PLEKHH1: variants seen among roughly 807,000 people sequenced by gnomAD.
The protein encoded by PLEKHH1 is pleckstrin homology, MyTH4 and FERM domain containing H1.
PLEKHH1 carries 104 observed loss-of-function variants against 160.0 expected under a neutral mutation model. The observed-to-expected ratio is 0.65, with a 90% CI of 0.55 to 0.76. The LOEUF (loss-of-function observed/expected upper bound fraction) is 0.76, where lower values mean the gene tolerates loss of function less well. Ranked by LOEUF, PLEKHH1 falls within the 30% of genes least tolerant of loss-of-function variation. The probability of loss-of-function intolerance (pLI) is 0.00; values close to 1 mark genes in which losing one functional copy is unlikely to be tolerated. For missense variants in PLEKHH1, 1,427 were observed against 1,724.1 expected, an observed-to-expected ratio of 0.83 and a Z score of 3.05; for synonymous variants, 619 against 678.4, an observed-to-expected ratio of 0.91 and a Z score of 1.36.
intron 11 of PLEKHH1, among the ~76,000 whole-genome samples, chr14:67,572,485 GCTC>G (rs2035437682): frequency 6.6e-6 from 1 of 152,160 alleles, no homozygotes; most frequent in African/African-American, 2.4e-5. Context: ...AGCCCAGAGA[GCTC>G]CTGGAATACC....
At chr14:67,564,784 G>A (rs1030565864) in intron 7 of PLEKHH1, among the ~76,000 whole-genome samples, 1 of 151,250 alleles carries the variant, frequency 6.6e-6, no homozygotes, top group African/African-American at 2.4e-5. Context: ...AACTTCCCGG[G>A]CTCAAGCAAT....
chr14:67,577,488 G>A, intron 18 of PLEKHH1, 74 bp downstream of exon 18: 2 of 949,372 alleles, frequency 2.1e-6, no homozygotes, highest in Non-Finnish European at 1.6e-6. Flanking sequence ...TGTGCAGTTG[G>A]GGACAACCCA....
rs372314133 is a variant in PLEKHH1 at position 67,585,591 on chromosome 14, G to T, written c.3723G>T (p.Glu1241Asp). The T allele has an allele frequency of 5.1e-6, 8 of 1,584,064 alleles. No homozygotes were observed. The highest frequency in any genetic ancestry group is 6.0e-6 in the Non-Finnish European group (7 of 1,164,074). ...AGCCTGCCCAGCTGTCTTCCAAGGAGAACGCTCTGGTGTGGATTGCTGTGA... is the reference window on the plus strand; with the variant it reads ...AGCCTGCCCAGCTGTCTTCCAAGGATAACGCTCTGGTGTGGATTGCTGTGA... ...AAQPAQLSSK[E>D]NALVWIAVNE... Residue 1241 changes from glutamate (E) to aspartate (D), a missense_variant, in exon 27 of 29, where the codon GAG (glutamate) becomes GAT (aspartate). Coordinates refer to ENST00000329153, the MANE Select transcript of PLEKHH1 (RefSeq NM_020715.3).
rs1329298203 is a variant in PLEKHH1, at chr14:67,576,459, A to G, written c.2417A>G (p.Tyr806Cys). 1.2e-6 allele frequency: 2 copies of G among 1,606,484 alleles called. No individual in the cohort carries two copies. The highest frequency in any genetic ancestry group is 8.5e-7 in the Non-Finnish European group (1 of 1,173,102). ...GGSSAKVGTAYEQLIGKLMDG... is the reference protein window; with the variant it reads ...GGSSAKVGTACEQLIGKLMDG... The stretch of plus-strand genomic sequence containing the variant: ...AGCAGTGCCAAGGTGGGCACTGCCT[A>G]TGAGCAGCTCATTGGAAAACTGATG... Residue 806 changes from tyrosine to cysteine, a missense_variant, in exon 17 of 29, where the codon TAT becomes TGT. Transcript: ENST00000329153. The surrounding 1 kb of genome is among the most constrained non-coding windows in gnomAD (Gnocchi z 4.0).
intron 2 of PLEKHH1, among the ~76,000 whole-genome samples, chr14:67,543,104 A>G (rs2034038597): frequency 6.6e-6 from 1 of 152,220 alleles, no homozygotes; most frequent in Admixed American, 6.5e-5. Context: ...AAGTGAATCA[A>G]TCATTATATG....
intron 2 of PLEKHH1, among the ~76,000 whole-genome samples, chr14:67,551,790 G>A (rs997329402): frequency 8.6e-5 from 13 of 152,018 alleles, no homozygotes; most frequent in African/African-American, 2.9e-4. Context: ...TTGGGAGATC[G>A]AGAATCGCTT....
chr14:67,540,253 C>T (rs2033910071), intron 1 of PLEKHH1, among the ~76,000 whole-genome samples: 1 of 152,166 alleles, frequency 6.6e-6, no homozygotes. Context: ...TACCTCTTAC[C>T]TTGAAGTATT....
At chr14:67,556,009 A>C in intron 3 of PLEKHH1, 122 bp downstream of exon 3, 11 of 1,271,288 alleles carry the variant, frequency 8.7e-6, no homozygotes, top group East Asian at 2.6e-5. Context: ...ACCTGAACAA[A>C]TGAGTGTGCG....
At chr14:67,547,279 G>A (rs939103678) in intron 2 of PLEKHH1, among the ~76,000 whole-genome samples, 7 of 152,162 alleles carry the variant, frequency 4.6e-5, no homozygotes, top group Non-Finnish European at 1.0e-4. Context: ...ACCTGAGTCC[G>A]ACACTGGACC....
intron 4 of PLEKHH1, 142 bp downstream of exon 4, chr14:67,557,560 T>A: frequency 1.4e-6 from 1 of 695,936 alleles, no homozygotes; most frequent in Non-Finnish European, 2.3e-6. Context: ...TGTGAAAATT[T>A]AATTATAGGA....
chr14:67,577,887 G>A, intron 18 of PLEKHH1, 136 bp from the exon 19 acceptor site: 1 of 705,476 alleles, frequency 1.4e-6, no homozygotes, highest in Non-Finnish European at 2.4e-6. Flanking sequence ...CCCTCCAACA[G>A]TAGCAGTGCT....
chr14:67,580,952 C>T lies in PLEKHH1; in HGVS notation c.3198C>T (p.Ile1066=). Residue 1066 remains isoleucine (I), a synonymous_variant, in exon 23 of 29, where the codon ATC becomes ATT. Coordinates refer to ENST00000329153, the MANE Select transcript of PLEKHH1 (RefSeq NM_020715.3). ...GCCTTTTCAAGATCTGTGATGCCAT[C>T]TCCAAGTGGGAACAAGCCATGAAGG... The part of the protein sequence containing the change: ...LQGSVKICDA[I]SKWEQAMKEL... 6.2e-7 allele frequency: 1 copy of T among 1,612,090 alleles called. No homozygotes were observed. The highest frequency in any genetic ancestry group is 8.5e-7 in the Non-Finnish European group (1 of 1,178,134).
At chr14:67,535,762 C>T (rs1048019455) in intron 1 of PLEKHH1, among the ~76,000 whole-genome samples, 2 of 152,180 alleles carry the variant, frequency 1.3e-5, no homozygotes, top group South Asian at 2.1e-4. Context: ...ACAACAATAA[C>T]AGTCATTTAT....
chr14:67,585,445 A>G, intron 26 of PLEKHH1, 123 bp from the exon 27 acceptor site: 1 of 672,128 alleles, frequency 1.5e-6, no homozygotes, highest in Non-Finnish European at 2.6e-6. Context: ...TTGTTTTCCA[A>G]GATGAGGTGG....
intron 1 of PLEKHH1, among the ~76,000 whole-genome samples, chr14:67,539,091 C>G (rs78088779): frequency 0.018 from 2,756 of 152,292 alleles, 75 homozygotes; most frequent in African/African-American, 0.058. Context: ...TAGCCCTGAA[C>G]TGAGTTGCGA....
intron 11 of PLEKHH1, 71 bp downstream of exon 11, chr14:67,572,348 A>C: frequency 7.7e-7 from 1 of 1,293,976 alleles, no homozygotes; most frequent in South Asian, 1.3e-5. Flanking sequence ...CCTCAGCACA[A>C]GACATAGGCA....
At chr14:67,559,272 T>C (rs1486081488) in intron 4 of PLEKHH1, among the ~76,000 whole-genome samples, 2 of 152,208 alleles carry the variant, frequency 1.3e-5, no homozygotes, top group Non-Finnish European at 2.9e-5. Context: ...GAGTATAAAA[T>C]GACAAGTCAC....
chr14:67,552,611 T>A (rs1487459736), intron 2 of PLEKHH1, among the ~76,000 whole-genome samples: 1 of 151,500 alleles, frequency 6.6e-6, no homozygotes, highest in Non-Finnish European at 1.5e-5. Context: ...TCTAAAAATA[T>A]AAAAAATTAG....
chr14:67,572,035 A>G, intron 10 of PLEKHH1, 100 bp from the exon 11 acceptor site: 1 of 1,488,256 alleles, frequency 6.7e-7, no homozygotes, highest in East Asian at 2.5e-5. Flanking sequence ...CCAGCCCCAG[A>G]GACCGGGTCC....
Sources: gnomAD v4.1 joint callset for allele counts (sites outside exome capture counted in the v4.1 genomes callset) on GRCh38, gnomAD v4.1.1 for gene constraint, Gnocchi (gnomAD v3.1) non-coding constraint, MANE v1.5 for transcripts, NCBI Gene and HGNC (gene_info 2026-07-23, HGNC 2026-07-21) for gene names.